Variants in TSPAN18 observed in about 807,000 individuals in gnomAD.
TSPAN18 encodes the protein tetraspanin 18, also known as tetraspanin-18.
In TSPAN18, 14 loss-of-function variants were observed where a neutral mutation model predicts 27.3. The observed-to-expected ratio is 0.51, with a 90% CI of 0.34 to 0.80. The LOEUF (loss-of-function observed/expected upper bound fraction) is 0.80. TSPAN18 is among the 30% of genes least tolerant of loss of function. The pLI is 0.01. For synonymous variants in TSPAN18, 143 were observed against 136.5 expected (o/e 1.05, Z -0.33); for missense variants, 268 against 323.9 (o/e 0.83, Z 1.32).
intron 1 of TSPAN18, among the ~76,000 whole-genome samples, chr11:44,732,770 C>T (rs73464452): frequency 0.014 from 2,102 of 152,206 alleles, 52 homozygotes; most frequent in African/African-American, 0.048. Flanking sequence ...ATTTGAATCC[C>T]GATTCTGCAA....
chr11:44,930,841 C>G lies in TSPAN18; in HGVS notation c.*1663C>G, dbSNP rs371016151. The G allele has an allele frequency of 8.0e-6, 4 of 502,692 alleles. No homozygotes were observed. Among genetic ancestry groups the G allele is most frequent in the African/African-American group, 2.0e-5 (1 of 51,192 alleles). 31.1% of individuals were successfully genotyped at this position (502,692 alleles called of 1,614,324 possible). On this transcript the variant is annotated 3_prime_UTR_variant, in exon 10 of 10. Coordinates refer to ENST00000520358, the MANE Select transcript of TSPAN18 (RefSeq NM_130783.5). The stretch of plus-strand genomic sequence containing the variant: ...AGCAGTGTGATGTCTGCTCTCTTCT[C>G]TCCCCTCTGTCCCTCTTCAGGAAGA...
At chr11:44,919,371 T>C in intron 7 of TSPAN18, 59 bp downstream of exon 7, 1 of 1,410,632 alleles carries the variant, frequency 7.1e-7, no homozygotes, top group Non-Finnish European at 1.0e-6. Flanking sequence ...AGTGTTCACA[T>C]GCCCACGCCA....
At chr11:44,741,555 G>A (rs960146025) in intron 1 of TSPAN18, among the ~76,000 whole-genome samples, 8 of 152,118 alleles carry the variant, frequency 5.3e-5, no homozygotes, top group African/African-American at 1.9e-4. Flanking sequence ...AGTTGTGTGT[G>A]TGAGTTCGTG....
chr11:44,836,321 C>T (rs1359264282), intron 2 of TSPAN18, among the ~76,000 whole-genome samples: 1 of 152,164 alleles, frequency 6.6e-6, no homozygotes, highest in East Asian at 1.9e-4. Context: ...ATTAAACCAG[C>T]CACAAAATTC....
intron 2 of TSPAN18, among the ~76,000 whole-genome samples, chr11:44,819,689 G>A (rs1298807669): frequency 6.7e-6 from 1 of 149,516 alleles, no homozygotes; most frequent in Admixed American, 6.7e-5. Flanking sequence ...CCATTTTCTT[G>A]AGCTTGGAAG....
rs572022284 is a variant in TSPAN18 at position 44,897,669 on chromosome 11, G to A, written c.-10-8738G>A. ...CCCCGAGTGTGTGTATCTGGAGGGC[G>A]GGTTTTCATAAACAGCTCCTTTCAT... On this transcript the variant is annotated intron_variant, in intron 3 of 9. Transcript: ENST00000520358. The A allele has an allele frequency of 1.0e-4, 87 of 857,456 alleles. 2 individuals are homozygous for A. In the Middle Eastern group the frequency reaches 1.1e-3, roughly 11 times the overall value. The allele number at this position is 857,456 out of a possible 1,614,324, so 53.1% of individuals were successfully genotyped here.
intron 1 of TSPAN18, among the ~76,000 whole-genome samples, chr11:44,761,023 G>C (rs1353749469): frequency 6.6e-6 from 1 of 152,128 alleles, no homozygotes; most frequent in African/African-American, 2.4e-5. Flanking sequence ...ACAACAGCCT[G>C]TGAGTCATCA....
intron 5 of TSPAN18, among the ~76,000 whole-genome samples, chr11:44,912,482 G>C (rs907632805): frequency 2.0e-5 from 3 of 152,038 alleles, no homozygotes; most frequent in African/African-American, 7.3e-5. Context: ...TGGGTCAGAG[G>C]CAAAGGACGC....
At position 44,744,205 on chromosome 11, in the gene TSPAN18, C is replaced by T. The variant is rs183981805; in HGVS notation, c.-240+16918C>T. Among the ~76,000 whole-genome samples, 26 of 152,268 alleles carry T rather than the reference C, an allele frequency of 1.7e-4. 1 individual carries two copies. Among genetic ancestry groups the T allele is most frequent in the Admixed American group, 1.3e-3 (20 of 15,290 alleles). ...CCTGGGTTTGCGTGTATTATCGCTTCGGAAAAGGCCAATTTTCAGGGATGT... is the reference window on the plus strand; with the variant it reads ...CCTGGGTTTGCGTGTATTATCGCTTTGGAAAAGGCCAATTTTCAGGGATGT... On this transcript the variant is annotated intron_variant, in intron 1 of 9. Coordinates refer to ENST00000520358, the MANE Select transcript of TSPAN18 (RefSeq NM_130783.5).
intron 1 of TSPAN18, among the ~76,000 whole-genome samples, chr11:44,742,417 C>T (rs1184113647): frequency 6.6e-6 from 1 of 151,394 alleles, no homozygotes; most frequent in Non-Finnish European, 1.5e-5. Context: ...TCCCTTCCTT[C>T]CTCCCTCCCT....
At chr11:44,806,137 T>G (rs7932482) in intron 2 of TSPAN18, among the ~76,000 whole-genome samples, 67,756 of 150,224 alleles carry the variant, frequency 0.45, 16,092 homozygotes, top group Non-Finnish European at 0.53. Context: ...CGGGTTCAAG[T>G]GATTCTCATG....
At chr11:44,827,366 C>T (rs935133693) in intron 2 of TSPAN18, among the ~76,000 whole-genome samples, 1 of 152,224 alleles carries the variant, frequency 6.6e-6, no homozygotes, top group Non-Finnish European at 1.5e-5. Flanking sequence ...TCTCCCTCAG[C>T]CCCTGCTGAG....
intron 1 of TSPAN18, among the ~76,000 whole-genome samples, chr11:44,753,815 G>T (rs1315548210): frequency 6.6e-6 from 1 of 152,182 alleles, no homozygotes; most frequent in Non-Finnish European, 1.5e-5. Context: ...GAGTATTTGA[G>T]TCAAAGCAGC....
intron 1 of TSPAN18, among the ~76,000 whole-genome samples, chr11:44,733,866 G>A (rs184368443): frequency 4.5e-4 from 69 of 152,204 alleles, no homozygotes; most frequent in African/African-American, 1.6e-3. Context: ...TTGTGAGAGT[G>A]GGCAGGGAAG....
chr11:44,832,144 A>G (rs1458805402), intron 2 of TSPAN18, among the ~76,000 whole-genome samples: 1 of 152,178 alleles, frequency 6.6e-6, no homozygotes, highest in Non-Finnish European at 1.5e-5. Context: ...CCCAGGCGTC[A>G]TTATCCTCAC....
chr11:44,728,842 A>G (rs1313489819), intron 1 of TSPAN18, among the ~76,000 whole-genome samples: 1 of 152,226 alleles, frequency 6.6e-6, no homozygotes, highest in African/African-American at 2.4e-5. Context: ...CTATTGCCTC[A>G]TCTTTCTCTC....
intron 1 of TSPAN18, among the ~76,000 whole-genome samples, chr11:44,753,194 T>TCTCGGCTCACTGCAAC (rs1241435939): frequency 2.6e-5 from 4 of 152,136 alleles, no homozygotes; most frequent in African/African-American, 9.7e-5. Context: ...AGTGGTGCCA[T>TCTCGGCTCACTGCAAC]CTCGGCTCAC....
intron 2 of TSPAN18, among the ~76,000 whole-genome samples, chr11:44,773,442 C>T (rs1475923691): frequency 6.6e-6 from 1 of 151,972 alleles, no homozygotes; most frequent in African/African-American, 2.4e-5. Flanking sequence ...AAACAAAAAA[C>T]AAACCCACCA....
intron 2 of TSPAN18, among the ~76,000 whole-genome samples, chr11:44,855,623 C>T (rs1857715224): frequency 1.3e-5 from 2 of 152,066 alleles, no homozygotes; most frequent in African/African-American, 2.4e-5. Flanking sequence ...GGGATGCAAA[C>T]ACAAGTCTGT....
Sources: gnomAD v4.1 joint callset for allele counts (sites outside exome capture counted in the v4.1 genomes callset) on GRCh38, gnomAD v4.1.1 for gene constraint, MANE v1.5 for transcripts, NCBI Gene and HGNC (gene_info 2026-07-23, HGNC 2026-07-21) for gene names.